Variants in BRINP3 observed in about 807,000 individuals in gnomAD.
The protein encoded by BRINP3 is BMP/retinoic acid-inducible neural-specific protein 3.
A neutral mutation model predicts 71.0 loss-of-function variants in BRINP3; 19 were observed. The ratio of observed to expected loss-of-function variants is 0.27; its 90% CI spans 0.19 to 0.39. The LOEUF is 0.39. Ranked by LOEUF, BRINP3 falls within the 10% of genes least tolerant of loss-of-function variation. The pLI is 1.00. For synonymous variants in BRINP3, 380 were observed against 337.7 expected, an observed-to-expected ratio of 1.13 and a Z score of -1.37; for missense variants, 959 against 940.8, an observed-to-expected ratio of 1.02 and a Z score of -0.25.
intron 3 of BRINP3, among the ~76,000 whole-genome samples, chr1:190,274,801 G>T (rs1324778801): frequency 6.6e-6 from 1 of 151,062 alleles, no homozygotes; most frequent in South Asian, 2.1e-4. Context: ...TATTGTGGGG[G>T]AAAAAAGTGT....
intron 2 of BRINP3, among the ~76,000 whole-genome samples, chr1:190,354,775 T>G (rs1333849610): frequency 6.6e-6 from 1 of 151,632 alleles, no homozygotes; most frequent in Non-Finnish European, 1.5e-5. Flanking sequence ...CTAAGTGTTT[T>G]TTTTTTTTTT....
At chr1:190,138,568 T>C (rs1053526031) in intron 7 of BRINP3, among the ~76,000 whole-genome samples, 20 of 152,226 alleles carry the variant, frequency 1.3e-4, no homozygotes, top group African/African-American at 4.8e-4. Flanking sequence ...TTGCCCTCTG[T>C]GTTGAGCCTT....
chr1:190,455,286 T>C (rs1402940483), intron 1 of BRINP3, among the ~76,000 whole-genome samples: 1 of 152,196 alleles, frequency 6.6e-6, no homozygotes, highest in Non-Finnish European at 1.5e-5. Flanking sequence ...AAGTATTTCA[T>C]ATATTTCATA....
intron 3 of BRINP3, among the ~76,000 whole-genome samples, chr1:190,270,746 A>T (rs1241096383): frequency 6.6e-6 from 1 of 151,694 alleles, no homozygotes; most frequent in Non-Finnish European, 1.5e-5. Context: ...AAATATCCTG[A>T]AGTAATTGGT....
At chr1:190,255,642 T>A (rs1003115332) in intron 4 of BRINP3, among the ~76,000 whole-genome samples, 1 of 152,140 alleles carries the variant, frequency 6.6e-6, no homozygotes, top group Non-Finnish European at 1.5e-5. Flanking sequence ...CTTTTGTCAT[T>A]TTTTATTGCA....
At chr1:190,364,299 G>C (rs1669345453) in intron 2 of BRINP3, among the ~76,000 whole-genome samples, 1 of 152,022 alleles carries the variant, frequency 6.6e-6, no homozygotes, top group Non-Finnish European at 1.5e-5. Flanking sequence ...TCTGTATCAG[G>C]AATCTACCCT....
At chr1:190,265,188 T>C in intron 3 of BRINP3, 133 bp from the exon 4 acceptor site, 1 of 762,950 alleles carries the variant, frequency 1.3e-6, no homozygotes, top group Non-Finnish European at 2.0e-6. Context: ...GGGCAAGGGG[T>C]TTTATTTTTG....
chr1:190,182,375 C>G (rs1311099576), intron 6 of BRINP3, among the ~76,000 whole-genome samples: 4 of 152,094 alleles, frequency 2.6e-5, no homozygotes, highest in Non-Finnish European at 2.9e-5. Flanking sequence ...TATTTTCTTT[C>G]AGAATATTTT....
chr1:190,423,728 C>A (rs1673525004), intron 2 of BRINP3, among the ~76,000 whole-genome samples: 1 of 151,670 alleles, frequency 6.6e-6, no homozygotes, highest in Non-Finnish European at 1.5e-5. Context: ...TTACGTATTT[C>A]TCCCAACTCC....
intron 6 of BRINP3, among the ~76,000 whole-genome samples, chr1:190,174,457 T>C (rs1652311706): frequency 6.6e-6 from 1 of 152,060 alleles, no homozygotes; most frequent in Non-Finnish European, 1.5e-5. Context: ...CACATGTACA[T>C]TGGATTATAA....
chr1:190,292,000 T>C (rs78418175), intron 2 of BRINP3, among the ~76,000 whole-genome samples: 1,750 of 152,210 alleles, frequency 0.011, 25 homozygotes, highest in Middle Eastern at 0.061. Flanking sequence ...GCAATATGGA[T>C]GAACCTGGAG....
At chr1:190,199,801 C>CAA (rs112424725) in intron 6 of BRINP3, among the ~76,000 whole-genome samples, 1 of 138,494 alleles carries the variant, frequency 7.2e-6, no homozygotes, top group African/African-American at 2.7e-5. Context: ...CAAAAACAAA[C>CAA]AAAAAAAAAA....
At chr1:190,469,428 T>C (rs1571398274) in intron 1 of BRINP3, among the ~76,000 whole-genome samples, 2 of 151,202 alleles carry the variant, frequency 1.3e-5, no homozygotes, top group East Asian at 3.9e-4. Flanking sequence ...CTTGGCGTTA[T>C]ATGCAAAAAT....
At chr1:190,379,444 A>G (rs1670379503) in intron 2 of BRINP3, among the ~76,000 whole-genome samples, 1 of 152,190 alleles carries the variant, frequency 6.6e-6, no homozygotes. Flanking sequence ...GAAGAAAAAA[A>G]ATAACTTAAA....
chr1:190,141,555 C>CTT (rs35090212), intron 7 of BRINP3, among the ~76,000 whole-genome samples: 1,006 of 82,428 alleles, frequency 0.012, no homozygotes, highest in East Asian at 0.015. Flanking sequence ...TCTTTCTTTC[C>CTT]TTTTTTTTTT....
At chr1:190,370,611 C>G (rs141213837) in intron 2 of BRINP3, among the ~76,000 whole-genome samples, 2 of 152,238 alleles carry the variant, frequency 1.3e-5, no homozygotes, top group South Asian at 2.1e-4. Flanking sequence ...CAGACTTATG[C>G]GAAAAGTAGG....
intron 7 of BRINP3, among the ~76,000 whole-genome samples, chr1:190,109,116 A>G (rs529005062): frequency 1.3e-5 from 2 of 152,238 alleles, no homozygotes; most frequent in East Asian, 1.9e-4. Flanking sequence ...AAGTTATGTT[A>G]TCTTTATTTC....
intron 2 of BRINP3, among the ~76,000 whole-genome samples, chr1:190,374,873 T>C (rs1670089794): frequency 6.6e-6 from 1 of 151,678 alleles, no homozygotes; most frequent in African/African-American, 2.4e-5. Flanking sequence ...TATGGAAAAA[T>C]ACACAGGTAT....
At chr1:190,248,020 C>T (rs753266085) in intron 4 of BRINP3, among the ~76,000 whole-genome samples, 55 of 151,944 alleles carry the variant, frequency 3.6e-4, no homozygotes, top group Admixed American at 1.1e-3. Flanking sequence ...TCTGATTCAG[C>T]AAATGCTATG....
Sources: allele counts gnomAD v4.1 joint callset (sites outside exome capture counted in the v4.1 genomes callset), GRCh38; gene constraint gnomAD v4.1.1; transcripts MANE v1.5; gene names NCBI Gene and HGNC (gene_info 2026-07-23, HGNC 2026-07-21).